PAPPA2: variants seen among roughly 807,000 people sequenced by gnomAD.
PAPPA2 encodes the protein pappalysin 2, also known as pappalysin-2.
In PAPPA2, 86 loss-of-function variants were observed where a neutral mutation model predicts 176.4. That is an observed-to-expected ratio of 0.49 (90% CI 0.41 to 0.58). The LOEUF is 0.58. PAPPA2 is among the 20% of genes least tolerant of loss of function. PAPPA2 has a pLI of 0.00. For synonymous variants in PAPPA2, 809 were observed against 852.2 expected (o/e 0.95, Z 0.88); for missense variants, 2,073 against 2,256.9 (o/e 0.92, Z 1.65).
chr1:176,463,896 G>C (rs1434335758), intron 1 of PAPPA2, among the ~76,000 whole-genome samples: 1 of 152,168 alleles, frequency 6.6e-6, no homozygotes, highest in Non-Finnish European at 1.5e-5. Flanking sequence ...GGATGAGTGT[G>C]TGTGGGGTGC....
intron 21 of PAPPA2, among the ~76,000 whole-genome samples, chr1:176,828,834 T>C (rs1043847025): frequency 5.3e-5 from 8 of 151,638 alleles, no homozygotes; most frequent in Non-Finnish European, 8.8e-5. Context: ...AAACCCCGTC[T>C]CTACTAAAAA....
rs189384151 is a variant in PAPPA2, at chr1:176,505,159, C to T, written c.-917+41741C>T. 3.5e-3 allele frequency among the ~76,000 whole-genome samples: 527 copies of T among 152,156 alleles called. 1 individual carries two copies. Among genetic ancestry groups the T allele is most frequent in the Middle Eastern group, 0.031 (9 of 294 alleles). On this transcript the variant is annotated intron_variant, in intron 1 of 22. Coordinates refer to ENST00000367662, the MANE Select transcript of PAPPA2 (RefSeq NM_020318.3). ...TCATTAAATAAAATGACAAAAAACC[C>T]GTTAATAAATAACATAACCCAATAC...
chr1:176,631,757 A>T (rs1239042419), intron 3 of PAPPA2, among the ~76,000 whole-genome samples: 1 of 152,200 alleles, frequency 6.6e-6, no homozygotes, highest in Non-Finnish European at 1.5e-5. Flanking sequence ...GAACTCTTTC[A>T]AGAACTTTGG....
At chr1:176,710,948 C>T (rs1042635358) in intron 11 of PAPPA2, among the ~76,000 whole-genome samples, 7 of 152,148 alleles carry the variant, frequency 4.6e-5, no homozygotes, top group African/African-American at 1.7e-4. Context: ...CAAAACATGG[C>T]TGCAGTTCTC....
chr1:176,488,085 ATTG>A (rs1340298167), intron 1 of PAPPA2, among the ~76,000 whole-genome samples: 1 of 152,160 alleles, frequency 6.6e-6, no homozygotes, highest in Non-Finnish European at 1.5e-5. Flanking sequence ...TCTGCATGAT[ATTG>A]TTGTTTCTCT....
chr1:176,595,086 G>C lies in PAPPA2; in HGVS notation c.1482G>C (p.Leu494Phe). 1 of 1,614,114 alleles carries C rather than the reference G, an allele frequency of 6.2e-7. No homozygotes were observed. The highest frequency in any genetic ancestry group is 1.1e-5 in the South Asian group (1 of 91,080). Reference protein sequence around the residue: ...FEPEPEILSPLQPPLCGQTVC... With the variant: ...FEPEPEILSPFQPPLCGQTVC... ...CAGAGCCTGAGATTCTGTCGCCTTT[G>C]CAGCCCCCACTCTGTGGGCAAACAG... Residue 494 changes from leucine (L) to phenylalanine (F), a missense_variant, in exon 3 of 23, where the codon TTG becomes TTC. By Grantham distance (22) the Leu-to-Phe change is conservative. Transcript: ENST00000367662.
rs373092921 is a variant in PAPPA2, at chr1:176,557,054, A to C, written c.732A>C (p.Gly244=). The C allele has an allele frequency of 1.9e-6, 3 of 1,614,078 alleles. No homozygotes were observed. The highest frequency in any genetic ancestry group is 1.7e-6 in the Non-Finnish European group (2 of 1,179,994). The change falls in exon 2 of 23, where the codon GGA becomes GGC. Residue 244 remains glycine (G), a synonymous_variant. Coordinates refer to ENST00000367662, the MANE Select transcript of PAPPA2 (RefSeq NM_020318.3). ...CGGAGGAAAGCAACCAAAATGGTGGAGAGGGCTCCTACCGAGAAGCAGAGA... is the reference window on the plus strand; with the variant it reads ...CGGAGGAAAGCAACCAAAATGGTGGCGAGGGCTCCTACCGAGAAGCAGAGA... The part of the protein sequence containing the change: ...SPPEESNQNG[G]EGSYREAETF...
At chr1:176,547,945 G>A (rs1650730594) in intron 1 of PAPPA2, among the ~76,000 whole-genome samples, 1 of 152,162 alleles carries the variant, frequency 6.6e-6, no homozygotes, top group African/African-American at 2.4e-5. Context: ...TAACATGTAC[G>A]AAAAATCAAC....
chr1:176,781,919 C>T (rs1343825178), intron 17 of PAPPA2, among the ~76,000 whole-genome samples: 3 of 152,164 alleles, frequency 2.0e-5, no homozygotes, highest in Admixed American at 1.3e-4. Context: ...GACCATGTAT[C>T]AGACAAAACA....
intron 17 of PAPPA2, among the ~76,000 whole-genome samples, chr1:176,785,036 G>A (rs889631825): frequency 3.3e-5 from 5 of 152,142 alleles, no homozygotes; most frequent in Non-Finnish European, 7.3e-5. Context: ...ATCACATTGG[G>A]AGTTAGGATT....
intron 1 of PAPPA2, among the ~76,000 whole-genome samples, chr1:176,523,059 T>C (rs1229813983): frequency 6.6e-6 from 1 of 152,176 alleles, no homozygotes; most frequent in Non-Finnish European, 1.5e-5. Flanking sequence ...TGTTTACATG[T>C]GCGCTTGCTT....
intron 1 of PAPPA2, among the ~76,000 whole-genome samples, chr1:176,465,769 T>C (rs1452077979): frequency 6.6e-6 from 1 of 152,042 alleles, no homozygotes; most frequent in Non-Finnish European, 1.5e-5. Context: ...TACCCATTAG[T>C]TATTTTTCCT....
intron 14 of PAPPA2, among the ~76,000 whole-genome samples, chr1:176,762,621 T>C (rs1189908116): frequency 6.6e-6 from 1 of 152,210 alleles, no homozygotes; most frequent in Non-Finnish European, 1.5e-5. Context: ...GGGACATCCA[T>C]GGCATGTGGC....
At chr1:176,736,421 C>A (rs1662416662) in intron 12 of PAPPA2, among the ~76,000 whole-genome samples, 3 of 149,896 alleles carry the variant, frequency 2.0e-5, no homozygotes, top group South Asian at 4.2e-4. Context: ...TGTATGTATT[C>A]CTCATTTAAA....
intron 12 of PAPPA2, among the ~76,000 whole-genome samples, chr1:176,733,126 C>T (rs1276224833): frequency 1.3e-5 from 2 of 152,158 alleles, no homozygotes; most frequent in African/African-American, 2.4e-5. Flanking sequence ...TCCCTCCACC[C>T]CCATCTGTGG....
intron 3 of PAPPA2, among the ~76,000 whole-genome samples, chr1:176,644,219 G>A (rs1573184505): frequency 6.6e-6 from 1 of 151,816 alleles, no homozygotes; most frequent in East Asian, 1.9e-4. Context: ...GGGTGAATTA[G>A]GTGCCCTCTG....
At chr1:176,826,063 G>T (rs1398466613) in intron 21 of PAPPA2, among the ~76,000 whole-genome samples, 1 of 152,186 alleles carries the variant, frequency 6.6e-6, no homozygotes, top group Non-Finnish European at 1.5e-5. Context: ...GAGGGGCTGA[G>T]AATTTAATTA....
intron 3 of PAPPA2, among the ~76,000 whole-genome samples, chr1:176,598,559 C>T (rs1163470601): frequency 2.6e-5 from 4 of 152,046 alleles, no homozygotes; most frequent in Non-Finnish European, 5.9e-5. Flanking sequence ...AGCCCCACCC[C>T]TTGAGTCTCT....
intron 1 of PAPPA2, among the ~76,000 whole-genome samples, chr1:176,546,855 T>G (rs1650666331): frequency 6.6e-6 from 1 of 152,240 alleles, no homozygotes; most frequent in African/African-American, 2.4e-5. Context: ...TGTGATTGCT[T>G]TTTATTGCTA....
Sources: gnomAD v4.1 joint callset for allele counts (sites outside exome capture counted in the v4.1 genomes callset) on GRCh38, gnomAD v4.1.1 for gene constraint, MANE v1.5 for transcripts, NCBI Gene and HGNC (gene_info 2026-07-23, HGNC 2026-07-21) for gene names.